INO80E: variants seen among roughly 807,000 people sequenced by gnomAD.
INO80E encodes the protein INO80 complex subunit E, also known as coiled-coil domain containing 95.
In INO80E, 20 loss-of-function variants were observed where a neutral mutation model predicts 27.3. The ratio of observed to expected loss-of-function variants is 0.73; its 90% confidence interval spans 0.51 to 1.06. The LOEUF is 1.06. INO80E is among the 50% of genes least tolerant of loss of function. The probability of loss-of-function intolerance (pLI) is 0.00; values close to 1 mark genes in which losing one functional copy is unlikely to be tolerated. For missense variants in INO80E, 357 were observed against 322.8 expected, an observed-to-expected ratio of 1.11 and a Z score of -0.81; for synonymous variants, 167 against 145.9, an observed-to-expected ratio of 1.14 and a Z score of -1.04.
rs762554505 is a variant in INO80E, at chr16:30,000,803, C to T, written c.251C>T (p.Thr84Ile). The T allele has an allele frequency of 1.9e-6, 3 of 1,614,086 alleles. No individual in the cohort carries two copies. The highest frequency in any genetic ancestry group is 4.5e-5 in the East Asian group (2 of 44,892). ...ASSDNSETEG[T>I]PKLSDTPAPK... ...TCAGATAACAGCGAGACGGAGGGGA[C>T]ACCCAAGTTGTCTGACACACCGGCC... is the stretch of plus-strand genomic sequence containing the variant. Residue 84 changes from threonine (T) to isoleucine (I), a missense_variant, in exon 4 of 7, where the codon ACA (threonine) becomes ATA (isoleucine). Physicochemically the swap from Thr to Ile is moderately conservative, Grantham distance 89 (BLOSUM62 -1). Coordinates refer to ENST00000563197, the MANE Select transcript of INO80E (RefSeq NM_173618.3).
At position 30,003,084 on chromosome 16, in the gene INO80E, G is replaced by C. The variant is rs984686480; in HGVS notation, c.513+1554G>C. On this transcript the variant is annotated intron_variant, in intron 6 of 6. Coordinates refer to ENST00000563197, the MANE Select transcript of INO80E (RefSeq NM_173618.3). The surrounding 1 kb of genome is among the most constrained non-coding windows in gnomAD (Gnocchi z 4.4). Reference sequence around the variant, plus strand: ...GTAGGGGGTGGCGCAGCACTGGGGGGCACTTTGAGGCTTTCTGGCTGGGTG... The same window carrying C: ...GTAGGGGGTGGCGCAGCACTGGGGGCCACTTTGAGGCTTTCTGGCTGGGTG... 6.6e-6 allele frequency: 1 copy of C among 152,664 alleles called. No individual in the cohort carries two copies. The highest frequency in any genetic ancestry group is 6.6e-5 in the Admixed American group (1 of 15,266). The allele number at this position is 152,664 out of a possible 1,614,324, so 9.5% of individuals were successfully genotyped here. A position where few individuals can be genotyped will look rare whatever the true frequency, so the allele number is the denominator to read the frequency against.
chr16:30,004,978 T>C (rs908131288), intron 6 of INO80E, among the ~76,000 whole-genome samples: 1 of 152,074 alleles, frequency 6.6e-6, no homozygotes, highest in African/African-American at 2.4e-5. Context: ...GGCCTTTCCC[T>C]CCCGGTTTCC....
Position 29,996,310 on chromosome 16 carries a change from C to G in INO80E, c.-1C>G, listed in dbSNP as rs1162780569. ...CTCTGGGCGCCACTCCCGGGCCGGT[C>G]ATGAACGGGCCGGCGGACGGCGAAG... is the stretch of plus-strand genomic sequence containing the variant. On this transcript the variant is annotated 5_prime_UTR_variant, in exon 1 of 7. Transcript: ENST00000563197. 6.9e-6 allele frequency: 11 copies of G among 1,592,952 alleles called. No homozygotes were observed. Among genetic ancestry groups the G allele is most frequent in the Non-Finnish European group, 9.4e-6 (11 of 1,169,910 alleles).
chr16:30,000,891 T>TAG (rs2070324122), intron 4 of INO80E, 38 bp from the exon 5 acceptor site: 2 of 1,610,412 alleles, frequency 1.2e-6, no homozygotes, highest in Non-Finnish European at 1.7e-6. Context: ...GCGCCTGGGC[T>TAG]CCTAGCCACA....
rs746483287 is a variant in INO80E at position 29,996,369 on chromosome 16, G to A, written c.59G>A (p.Arg20Gln). ...DYKKKYRNLK[R>Q]KLKFLIYEHE... is the part of the protein sequence containing the mutation. ...AAAAAAAAATACCGGAATCTGAAGC[G>A]GAAGCTCAAGTTCCTCATCTACGTG... Residue 20 changes from arginine to glutamine, a missense_variant, in exon 1 of 7, where the codon CGG (arginine) becomes CAG (glutamine). Arg to Gln is a conservative substitution (Grantham distance 43, BLOSUM62 1). Coordinates refer to ENST00000563197, the MANE Select transcript of INO80E (RefSeq NM_173618.3). The A allele has an allele frequency of 6.3e-6, 10 of 1,596,024 alleles. No individual in the cohort carries two copies. Among genetic ancestry groups the A allele is most frequent in the Middle Eastern group, 1.7e-4 (1 of 6,042 alleles).
chr16:29,996,486 C>A, intron 1 of INO80E, 61 bp from the exon 2 acceptor site: 1 of 1,551,726 alleles, frequency 6.4e-7, no homozygotes, highest in Non-Finnish European at 8.7e-7. Flanking sequence ...CGAGCGGCCG[C>A]TGGTTCCGGG....
intron 3 of INO80E, among the ~76,000 whole-genome samples, chr16:29,999,742 A>G (rs140962715): frequency 6.6e-6 from 1 of 152,354 alleles, no homozygotes; most frequent in African/African-American, 2.4e-5. Context: ...AGAAAGGTAC[A>G]TTGAAGCCAG....
intron 6 of INO80E, 23 bp from the exon 7 acceptor site, chr16:30,005,198 T>C: frequency 2.8e-6 from 4 of 1,419,160 alleles, no homozygotes; most frequent in Admixed American, 6.5e-5. Flanking sequence ...CTAGTCCCCC[T>C]GTGTTTCTTC....
At chr16:30,001,294 CG>C in intron 5 of INO80E, 119 bp from the exon 6 acceptor site, 1 of 1,493,550 alleles carries the variant, frequency 6.7e-7, no homozygotes, top group Non-Finnish European at 9.0e-7. Flanking sequence ...TCGGGAGCCC[CG>C]GGAGCCGCAC....
chr16:30,001,775 G>T, intron 6 of INO80E: 1 of 498,580 alleles, frequency 2.0e-6, no homozygotes, highest in Non-Finnish European at 3.6e-6. Flanking sequence ...TTTCATGGCT[G>T]CAGTGTAGCG....
intron 3 of INO80E, among the ~76,000 whole-genome samples, chr16:29,997,644 C>G (rs2070183143): frequency 6.6e-6 from 1 of 151,594 alleles, no homozygotes; most frequent in African/African-American, 2.4e-5. Context: ...ATCCCAGCTA[C>G]TGGGGAGGCT....
Position 29,996,560 on chromosome 16 carries a change from TCCA to T in INO80E, c.96_98del (p.Phe32_Gln33delinsLeu). 1 of 1,567,606 alleles carries T rather than the reference TCCA, an allele frequency of 6.4e-7. No individual in the cohort carries two copies. The highest frequency in any genetic ancestry group is 8.6e-7 in the Non-Finnish European group (1 of 1,156,234). On this transcript the variant is annotated inframe_deletion, in exon 2 of 7. Transcript: ENST00000563197. ...CCCGTGATACAGGAGCACGAGTGCT[TCCA>T]GGAGGAGCTGAGGAAAGCGCAAAGG...
rs55963099 is a variant in INO80E at position 29,996,528 on chromosome 16, C to T, written c.82-19C>T. 5.9e-3 allele frequency: 9,217 copies of T among 1,558,326 alleles called. 429 individuals carry two copies. In the African/African-American group the frequency reaches 0.1, roughly 17 times the overall value. ...CACGGAGGACCGTTGGCCCAGCGCA[C>T]CCCTTGCCCGTGATACAGGAGCACG... On this transcript the variant is annotated intron_variant, in intron 1 of 6. Transcript: ENST00000563197.
intron 3 of INO80E, among the ~76,000 whole-genome samples, chr16:29,997,444 C>G (rs1216639940): frequency 2.0e-5 from 3 of 149,442 alleles, no homozygotes; most frequent in Admixed American, 1.3e-4. Flanking sequence ...TTTTTTTTTC[C>G]AACCGTTTAA....
chr16:30,005,498 C>A lies in INO80E; in HGVS notation c.*56C>A. ...CCGCCCGGCGCCCTCCCCGTGCCAG[C>A]ACACACGAGTCCAGCTTCCTCGGAG... On this transcript the variant is annotated 3_prime_UTR_variant, in exon 7 of 7. Coordinates refer to ENST00000563197, the MANE Select transcript of INO80E (RefSeq NM_173618.3). 6.8e-7 allele frequency: 1 copy of A among 1,480,644 alleles called. No homozygotes were observed. The highest frequency in any genetic ancestry group is 9.2e-7 in the Non-Finnish European group (1 of 1,084,628). 91.7% of individuals were successfully genotyped at this position (1,480,644 alleles called of 1,614,324 possible). A position where few individuals can be genotyped will look rare whatever the true frequency, so the allele number is the denominator to read the frequency against.
chr16:30,000,900 C>A, intron 4 of INO80E, 29 bp from the exon 5 acceptor site: 1 of 1,611,062 alleles, frequency 6.2e-7, no homozygotes, highest in Non-Finnish European at 8.5e-7. Flanking sequence ...CTCCTAGCCA[C>A]ATCTGACCTC....
At chr16:29,997,911 C>G (rs1171995712) in intron 3 of INO80E, among the ~76,000 whole-genome samples, 1 of 151,856 alleles carries the variant, frequency 6.6e-6, no homozygotes, top group Non-Finnish European at 1.5e-5. Context: ...CATAGTGAGA[C>G]CCCATCTCAA....
chr16:29,996,266 G>A lies in INO80E; in HGVS notation c.-45G>A, dbSNP rs994713985. On this transcript the variant is annotated 5_prime_UTR_variant, in exon 1 of 7. Coordinates refer to ENST00000563197, the MANE Select transcript of INO80E (RefSeq NM_173618.3). ...GGGAGCGGCACGGCAGCCACTGCTT[G>A]GGGTAGCGGGAGGGCAGACTCTGGG... 4 of 1,543,108 alleles carry A rather than the reference G, an allele frequency of 2.6e-6. No individual in the cohort carries two copies. The highest frequency in any genetic ancestry group is 3.5e-6 in the Non-Finnish European group (4 of 1,138,848).
At chr16:29,998,099 G>A (rs1401543477) in intron 3 of INO80E, among the ~76,000 whole-genome samples, 2 of 151,996 alleles carry the variant, frequency 1.3e-5, no homozygotes, top group Non-Finnish European at 2.9e-5. Flanking sequence ...ACCCCATCCT[G>A]GCTAACACAG....
Sources: allele counts gnomAD v4.1 joint callset (sites outside exome capture counted in the v4.1 genomes callset), GRCh38; gene constraint gnomAD v4.1.1; non-coding constraint Gnocchi (gnomAD v3.1); transcripts MANE v1.5; gene names NCBI Gene and HGNC (gene_info 2026-07-23, HGNC 2026-07-21).